The following NKAIN2 variants were observed in gnomAD, a reference collection of about 807,000 sequenced individuals.
NKAIN2 encodes sodium/potassium transporting ATPase interacting 2, also known as sodium/potassium-transporting ATPase subunit beta-1-interacting protein 2.
A neutral mutation model predicts 32.6 loss-of-function variants in NKAIN2; 14 were observed. The observed-to-expected ratio is 0.43, with a 90% CI of 0.28 to 0.67. The LOEUF (loss-of-function observed/expected upper bound fraction) is 0.67, where lower values mean the gene tolerates loss of function less well. Among genes scored for constraint, NKAIN2 ranks in the 30% least tolerant of loss-of-function variants. The pLI is 0.17. For missense variants in NKAIN2, 198 were observed against 258.3 expected (o/e 0.77, Z 1.60); for synonymous variants, 80 against 87.2 (o/e 0.92, Z 0.46).
At chr6:124,734,061 G>GCACACACACACACACACA (rs61526747) in intron 4 of NKAIN2, among the ~76,000 whole-genome samples, 78 of 145,336 alleles carry the variant, frequency 5.4e-4, no homozygotes, top group Non-Finnish European at 8.8e-4. Context: ...ATGAGGAAAT[G>GCACACACACACACACACA]CACACACACA....
At chr6:124,229,224 G>A (rs1792292965) in intron 1 of NKAIN2, among the ~76,000 whole-genome samples, 2 of 152,168 alleles carry the variant, frequency 1.3e-5, no homozygotes, top group African/African-American at 4.8e-5. Context: ...GAATGCAAGT[G>A]TGACACAAGT....
At chr6:124,443,226 G>C (rs925899322) in intron 3 of NKAIN2, among the ~76,000 whole-genome samples, 2 of 152,130 alleles carry the variant, frequency 1.3e-5, no homozygotes, top group South Asian at 4.2e-4. Context: ...GTCTTCTCAA[G>C]CCTCCAATTC....
chr6:124,533,119 T>G (rs1393799655), intron 3 of NKAIN2, among the ~76,000 whole-genome samples: 1 of 152,126 alleles, frequency 6.6e-6, no homozygotes, highest in Non-Finnish European at 1.5e-5. Flanking sequence ...TTGGAGAAAC[T>G]GATCTACTAT....
chr6:124,003,728 A>G (rs770314242), intron 1 of NKAIN2, among the ~76,000 whole-genome samples: 7 of 152,126 alleles, frequency 4.6e-5, no homozygotes, highest in Non-Finnish European at 1.0e-4. Flanking sequence ...TTGACATCAG[A>G]GCTACAGAGG....
intron 4 of NKAIN2, among the ~76,000 whole-genome samples, chr6:124,710,822 CCATTTA>C (rs1303028193): frequency 1.3e-5 from 2 of 149,372 alleles, no homozygotes; most frequent in African/African-American, 4.9e-5. Flanking sequence ...AGCATTTAGT[CCATTTA>C]CATTTAAAGT....
intron 3 of NKAIN2, among the ~76,000 whole-genome samples, chr6:124,413,567 A>G (rs774388206): frequency 1.3e-5 from 2 of 152,204 alleles, no homozygotes; most frequent in Non-Finnish European, 2.9e-5. Flanking sequence ...TCAGAATAAA[A>G]TAGTCAGTGT....
intron 3 of NKAIN2, among the ~76,000 whole-genome samples, chr6:124,412,385 G>T (rs12173354): frequency 6.6e-6 from 1 of 152,082 alleles, no homozygotes; most frequent in Non-Finnish European, 1.5e-5. Flanking sequence ...TTAGTTTTCC[G>T]TCTGACAGTC....
intron 4 of NKAIN2, among the ~76,000 whole-genome samples, chr6:124,687,944 T>TA (rs1271638065): frequency 1.2e-4 from 18 of 151,774 alleles, no homozygotes; most frequent in African/African-American, 4.4e-4. Flanking sequence ...CCTGCCTTTT[T>TA]ATCACTGATT....
chr6:124,133,087 G>A (rs1177961018), intron 1 of NKAIN2, among the ~76,000 whole-genome samples: 1 of 152,142 alleles, frequency 6.6e-6, no homozygotes, highest in East Asian at 1.9e-4. Flanking sequence ...GATCATGAAG[G>A]GCCTTGGAGA....
intron 3 of NKAIN2, among the ~76,000 whole-genome samples, chr6:124,532,075 G>A (rs546447879): frequency 1.8e-4 from 27 of 152,334 alleles, no homozygotes; most frequent in African/African-American, 6.5e-4. Context: ...GGTGAAGGAT[G>A]TAAACGTTGG....
At chr6:124,003,748 C>G (rs926836957) in intron 1 of NKAIN2, among the ~76,000 whole-genome samples, 22 of 152,116 alleles carry the variant, frequency 1.4e-4, no homozygotes, top group Admixed American at 1.4e-3. Context: ...GGGAGGAAGA[C>G]AGTGAACAAA....
intron 1 of NKAIN2, among the ~76,000 whole-genome samples, chr6:124,033,681 C>G (rs1157496879): frequency 2.0e-5 from 3 of 152,042 alleles, no homozygotes; most frequent in Non-Finnish European, 4.4e-5. Context: ...TATTAAAAGC[C>G]CATTCTGCAA....
At chr6:124,100,955 A>G (rs1164028143) in intron 1 of NKAIN2, among the ~76,000 whole-genome samples, 1 of 152,214 alleles carries the variant, frequency 6.6e-6, no homozygotes, top group African/African-American at 2.4e-5. Flanking sequence ...TGAGTGAATT[A>G]TCTTGCCACA....
At chr6:124,149,578 T>G (rs975993393) in intron 1 of NKAIN2, among the ~76,000 whole-genome samples, 1 of 152,190 alleles carries the variant, frequency 6.6e-6, no homozygotes, top group Non-Finnish European at 1.5e-5. Context: ...TTGTTGAAAA[T>G]CAGTTAACCA....
chr6:124,660,182 G>A (rs1784696228), intron 4 of NKAIN2, among the ~76,000 whole-genome samples: 1 of 152,070 alleles, frequency 6.6e-6, no homozygotes, highest in Non-Finnish European at 1.5e-5. Flanking sequence ...TATTCCTTCT[G>A]TAGAACTGCC....
chr6:124,774,559 T>C (rs1778903688), intron 4 of NKAIN2, among the ~76,000 whole-genome samples: 1 of 152,090 alleles, frequency 6.6e-6, no homozygotes, highest in South Asian at 2.1e-4. Context: ...TGTCCAAAGA[T>C]ACTGTCAACA....
intron 3 of NKAIN2, among the ~76,000 whole-genome samples, chr6:124,509,770 T>C (rs565631483): frequency 1.3e-5 from 2 of 152,326 alleles, no homozygotes; most frequent in Admixed American, 1.3e-4. Context: ...CTTTTCTTGG[T>C]TTGTTTATCT....
chr6:124,623,385 G>T (rs1246661646), intron 3 of NKAIN2, among the ~76,000 whole-genome samples: 1 of 152,160 alleles, frequency 6.6e-6, no homozygotes, highest in African/African-American at 2.4e-5. Flanking sequence ...CTATGCATGT[G>T]TGGCTTATCA....
intron 2 of NKAIN2, among the ~76,000 whole-genome samples, chr6:124,308,337 G>T (rs1583025890): frequency 1.3e-5 from 2 of 152,092 alleles, no homozygotes; most frequent in African/African-American, 4.8e-5. Flanking sequence ...TCTTACCATT[G>T]TATTACTTGG....
Sources: gnomAD v4.1 joint callset for allele counts (sites outside exome capture counted in the v4.1 genomes callset) on GRCh38, gnomAD v4.1.1 for gene constraint, MANE v1.5 for transcripts, NCBI Gene and HGNC (gene_info 2026-07-23, HGNC 2026-07-21) for gene names.